The following GPC5 variants were observed in gnomAD, a reference collection of about 807,000 sequenced individuals.
GPC5 encodes the protein glypican 5, also known as glypican-5.
Under a neutral mutation model 53.9 loss-of-function variants are expected in GPC5, and 47 were observed. The observed-to-expected ratio is 0.87, with a 90% CI of 0.69 to 1.11. The LOEUF (loss-of-function observed/expected upper bound fraction) is 1.11. Ranked by LOEUF, GPC5 falls within the 50% of genes most tolerant of loss-of-function variation. The pLI, the probability that GPC5 is intolerant of heterozygous loss-of-function variation, is 0.00. For synonymous variants in GPC5, 286 were observed against 263.3 expected (o/e 1.09, Z -0.84); for missense variants, 748 against 713.1 (o/e 1.05, Z -0.56).
chr13:91,752,627 CT>C (rs1263704474), intron 4 of GPC5, among the ~76,000 whole-genome samples: 1 of 152,026 alleles, frequency 6.6e-6, no homozygotes, highest in Non-Finnish European at 1.5e-5. Context: ...AGTTTTCTTC[CT>C]TCGTTCTTTT....
At chr13:92,079,951 T>C (rs1336614620) in intron 6 of GPC5, among the ~76,000 whole-genome samples, 2 of 152,186 alleles carry the variant, frequency 1.3e-5, no homozygotes, top group Non-Finnish European at 2.9e-5. Context: ...GTCTTTGTAT[T>C]ATAGTCACCT....
At chr13:92,514,712 G>A (rs1228490160) in intron 7 of GPC5, among the ~76,000 whole-genome samples, 1 of 152,146 alleles carries the variant, frequency 6.6e-6, no homozygotes, top group Non-Finnish European at 1.5e-5. Flanking sequence ...GATGCTTTGT[G>A]AGGGGCGGAA....
chr13:91,741,137 C>T (rs1359375490), intron 4 of GPC5, among the ~76,000 whole-genome samples: 1 of 151,808 alleles, frequency 6.6e-6, no homozygotes, highest in Admixed American at 6.6e-5. Context: ...TACTATCAGA[C>T]AGGATTTTGA....
At chr13:92,728,958 C>T (rs1358756141) in intron 7 of GPC5, among the ~76,000 whole-genome samples, 1 of 151,312 alleles carries the variant, frequency 6.6e-6, no homozygotes, top group Non-Finnish European at 1.5e-5. Flanking sequence ...TACTTATCCT[C>T]TCAGAAAAAA....
At chr13:91,616,026 C>A (rs1482208116) in intron 2 of GPC5, among the ~76,000 whole-genome samples, 1 of 151,862 alleles carries the variant, frequency 6.6e-6, no homozygotes, top group African/African-American at 2.4e-5. Context: ...TAAAAGAATC[C>A]AGTGATTATA....
At chr13:92,431,283 A>T (rs1047449868) in intron 7 of GPC5, among the ~76,000 whole-genome samples, 1 of 152,198 alleles carries the variant, frequency 6.6e-6, no homozygotes, top group African/African-American at 2.4e-5. Context: ...TAAGCACATA[A>T]ATATATACAA....
At chr13:92,122,175 G>T (rs375667398) in intron 6 of GPC5, among the ~76,000 whole-genome samples, 2 of 152,174 alleles carry the variant, frequency 1.3e-5, no homozygotes, top group African/African-American at 4.8e-5. Flanking sequence ...ATTGTATGTG[G>T]AGAGCAGGAA....
At chr13:92,040,363 A>C (rs1255712187) in intron 6 of GPC5, among the ~76,000 whole-genome samples, 1 of 152,160 alleles carries the variant, frequency 6.6e-6, no homozygotes, top group Non-Finnish European at 1.5e-5. Flanking sequence ...CCGCAATAGA[A>C]TGGTGTCCTA....
chr13:92,242,155 C>A (rs894490069), intron 7 of GPC5, among the ~76,000 whole-genome samples: 1 of 151,634 alleles, frequency 6.6e-6, no homozygotes, highest in Non-Finnish European at 1.5e-5. Context: ...ATTGCTTGAA[C>A]CCAGGAGGCG....
chr13:92,609,118 C>T (rs1378487729), intron 7 of GPC5, among the ~76,000 whole-genome samples: 1 of 152,142 alleles, frequency 6.6e-6, no homozygotes, highest in African/African-American at 2.4e-5. Context: ...TCTGTGTTGT[C>T]ATACTACATT....
chr13:92,631,646 G>A (rs961543138), intron 7 of GPC5, among the ~76,000 whole-genome samples: 5 of 152,054 alleles, frequency 3.3e-5, no homozygotes, highest in African/African-American at 4.8e-5. Context: ...CTGCTTTTGC[G>A]CCAACCTAAT....
At chr13:92,663,833 C>CACTA (rs1334538119) in intron 7 of GPC5, among the ~76,000 whole-genome samples, 2 of 124,138 alleles carry the variant, frequency 1.6e-5, no homozygotes, top group African/African-American at 6.3e-5. Flanking sequence ...TATACACACA[C>CACTA]TATATATATA....
chr13:92,840,078 CATATATATATATATAT>C lies in GPC5; in HGVS notation c.1562-26173_1562-26158del, dbSNP rs4001881. ...TGCTTTTATTCTTCATATATACATA[CATATATATATATATAT>C]ATATATATATATATATATATATATA... is the stretch of plus-strand genomic sequence containing the variant. On this transcript the variant is annotated intron_variant, in intron 7 of 7. Coordinates refer to ENST00000377067, the MANE Select transcript of GPC5 (RefSeq NM_004466.6). Among the ~76,000 whole-genome samples the C allele has an allele frequency of 6.4e-3, 634 of 99,008 alleles. 7 individuals carry two copies. The highest frequency in any genetic ancestry group is 0.02 in the African/African-American group (496 of 25,326). 65.0% of individuals were successfully genotyped at this position (99,008 alleles called of 152,430 possible).
intron 7 of GPC5, among the ~76,000 whole-genome samples, chr13:92,471,173 G>A (rs1433887380): frequency 2.6e-5 from 4 of 152,046 alleles, no homozygotes; most frequent in Non-Finnish European, 4.4e-5. Flanking sequence ...CTATAGGGAG[G>A]GAGGGTCAGA....
chr13:92,467,696 C>T (rs1345130070), intron 7 of GPC5, among the ~76,000 whole-genome samples: 2 of 152,068 alleles, frequency 1.3e-5, no homozygotes, highest in African/African-American at 4.8e-5. Flanking sequence ...ACTCTAGAGT[C>T]GTATTTTTAA....
At chr13:91,713,697 A>G (rs1260757478) in intron 3 of GPC5, among the ~76,000 whole-genome samples, 3 of 152,164 alleles carry the variant, frequency 2.0e-5, no homozygotes, top group Non-Finnish European at 4.4e-5. Flanking sequence ...CCAGAAATCC[A>G]GAACTGAACT....
intron 7 of GPC5, among the ~76,000 whole-genome samples, chr13:92,304,441 T>C (rs1031932399): frequency 5.3e-5 from 8 of 152,070 alleles, no homozygotes; most frequent in Non-Finnish European, 8.8e-5. Context: ...CCTGACCTTG[T>C]GATCCGCCTG....
At chr13:91,803,112 T>C (rs181433455) in intron 5 of GPC5, among the ~76,000 whole-genome samples, 100 of 152,318 alleles carry the variant, frequency 6.6e-4, no homozygotes, top group Admixed American at 5.2e-3. Context: ...TAACTTTTAG[T>C]AATTATGATG....
At chr13:92,784,794 C>T (rs997922173) in intron 7 of GPC5, among the ~76,000 whole-genome samples, 4 of 152,034 alleles carry the variant, frequency 2.6e-5, no homozygotes, top group Admixed American at 6.6e-5. Flanking sequence ...GGTTATCTTC[C>T]GATTAAAAAG....
Sources: allele counts gnomAD v4.1 joint callset (sites outside exome capture counted in the v4.1 genomes callset), GRCh38; gene constraint gnomAD v4.1.1; transcripts MANE v1.5; gene names NCBI Gene and HGNC (gene_info 2026-07-23, HGNC 2026-07-21).